SETBP1: variants seen among roughly 807,000 people sequenced by gnomAD.
SETBP1 encodes SET-binding protein.
Under a neutral mutation model 101.0 loss-of-function variants are expected in SETBP1, and 9 were observed. That is an observed-to-expected ratio of 0.09 (90% CI 0.05 to 0.16). The LOEUF is 0.16. Ranked by LOEUF, SETBP1 falls within the 10% of genes least tolerant of loss-of-function variation. The pLI is 1.00. For missense variants in SETBP1, 1,858 were observed against 2,033.8 expected (o/e 0.91, Z 1.66); for synonymous variants, 818 against 788.5 (o/e 1.04, Z -0.63).
At chr18:44,843,842 A>C (rs2072670585) in intron 2 of SETBP1, among the ~76,000 whole-genome samples, 1 of 152,020 alleles carries the variant, frequency 6.6e-6, no homozygotes. Flanking sequence ...ATTTTCTGTA[A>C]ACCCAGGACC....
intron 3 of SETBP1, among the ~76,000 whole-genome samples, chr18:44,945,621 T>C (rs2071189096): frequency 6.6e-6 from 1 of 152,160 alleles, no homozygotes; most frequent in African/African-American, 2.4e-5. Context: ...AAGCTAAGTT[T>C]GGTATCGAAA....
rs1568190511 is a variant in SETBP1, at chr18:44,868,706, GGAAGGGAGGAAGGAAGGAAGGA to G, written c.487-523_487-502del. 4.5e-3 allele frequency among the ~76,000 whole-genome samples: 80 copies of G among 17,764 alleles called. 3 individuals carry two copies. Among genetic ancestry groups the G allele is most frequent in the East Asian group, 0.017 (21 of 1,260 alleles). 11.7% of individuals were successfully genotyped at this position (17,764 alleles called of 152,430 possible). Reference sequence around the variant, plus strand: ...AGAGAGAGAGAGAGAGAGGACGGAAGGAAGGGAGGAAGGAAGGAAGGAAGGAAGGAAGGAAGGAAGGAAGGAA... The same window carrying G: ...AGAGAGAGAGAGAGAGAGGACGGAAGAGGAAGGAAGGAAGGAAGGAAGGAA... On this transcript the variant is annotated intron_variant, in intron 2 of 5. Coordinates refer to ENST00000649279, the MANE Select transcript of SETBP1 (RefSeq NM_015559.3).
chr18:44,710,084 T>C (rs1272420628), intron 2 of SETBP1, among the ~76,000 whole-genome samples: 1 of 152,176 alleles, frequency 6.6e-6, no homozygotes, highest in African/African-American at 2.4e-5. Flanking sequence ...AGTCCTCTCA[T>C]TGCTACATTG....
chr18:44,713,788 C>G (rs1429563877), intron 2 of SETBP1, among the ~76,000 whole-genome samples: 2 of 152,178 alleles, frequency 1.3e-5, no homozygotes, highest in African/African-American at 2.4e-5. Context: ...AGTCGATTCT[C>G]TAGGCTAAAA....
chr18:44,709,858 C>T (rs369756872), intron 2 of SETBP1, among the ~76,000 whole-genome samples: 47 of 130,326 alleles, frequency 3.6e-4, no homozygotes, highest in African/African-American at 1.4e-3. Flanking sequence ...AATTGCTATA[C>T]GGATTTATTT....
chr18:44,732,506 A>G (rs2069859052), intron 2 of SETBP1: 1 of 152,200 alleles, frequency 6.6e-6, no homozygotes, highest in Non-Finnish European at 1.5e-5. Context: ...CACCCTTGCA[A>G]TGGACAGGAG....
At position 44,781,088 on chromosome 18, in the gene SETBP1, G is replaced by C. The variant is rs565204679; in HGVS notation, c.486+79256G>C. ...AGTGGGCAGGCTGCTGGGCTGGCGA[G>C]GCAGGTAGGAACAGGGTACAGGGTA... is the stretch of plus-strand genomic sequence containing the variant. On this transcript the variant is annotated intron_variant, in intron 2 of 5. Transcript: ENST00000649279. Among the ~76,000 whole-genome samples, 161 of 152,298 alleles carry C rather than the reference G, an allele frequency of 1.1e-3. 2 individuals are homozygous for C. The highest frequency in any genetic ancestry group is 2.6e-4 in the Non-Finnish European group (18 of 68,032).
intron 2 of SETBP1, among the ~76,000 whole-genome samples, chr18:44,739,430 C>T (rs372973104): frequency 6.6e-6 from 1 of 152,172 alleles, no homozygotes; most frequent in Non-Finnish European, 1.5e-5. Context: ...AAGCACAATT[C>T]TTTATACTGG....
chr18:44,802,206 A>G (rs968309946), intron 2 of SETBP1, among the ~76,000 whole-genome samples: 1 of 152,186 alleles, frequency 6.6e-6, no homozygotes, highest in Admixed American at 6.5e-5. Flanking sequence ...AAACAGAGAC[A>G]GTCATTCTTC....
At chr18:44,916,592 G>A (rs1167752980) in intron 3 of SETBP1, among the ~76,000 whole-genome samples, 1 of 152,164 alleles carries the variant, frequency 6.6e-6, no homozygotes, top group African/African-American at 2.4e-5. Flanking sequence ...ATTTACACAG[G>A]CAGCATGAAC....
At chr18:44,818,811 C>T (rs887230952) in intron 2 of SETBP1, among the ~76,000 whole-genome samples, 4 of 151,528 alleles carry the variant, frequency 2.6e-5, no homozygotes, top group African/African-American at 7.3e-5. Context: ...TTATATTTAG[C>T]GGTTAACCAG....
rs1748270465 is a variant in SETBP1, at chr18:45,060,566, T to A, written c.4172-2513T>A. Among the ~76,000 whole-genome samples the A allele has an allele frequency of 2.6e-5, 4 of 152,200 alleles. No individual in the cohort carries two copies. The South Asian group carries it at 8.3e-4, about 31-fold the overall frequency. On this transcript the variant is annotated intron_variant, in intron 5 of 5. Coordinates refer to ENST00000649279, the MANE Select transcript of SETBP1 (RefSeq NM_015559.3). The stretch of plus-strand genomic sequence containing the variant: ...AAAAAAATGACAAAAAGTTAACATT[T>A]GCTAAATGTGAATGGTGGGCACAAA...
At chr18:45,021,250 T>C (rs751152600) in intron 4 of SETBP1, among the ~76,000 whole-genome samples, 1 of 152,252 alleles carries the variant, frequency 6.6e-6, no homozygotes, top group Non-Finnish European at 1.5e-5. Flanking sequence ...AGTAAAACAA[T>C]TTAGTTTTGG....
At chr18:44,955,624 C>G (rs572688297) in intron 4 of SETBP1, among the ~76,000 whole-genome samples, 6 of 152,198 alleles carry the variant, frequency 3.9e-5, no homozygotes, top group Non-Finnish European at 7.3e-5. Flanking sequence ...TCAAAGAGAT[C>G]AAGAGAACTG....
intron 2 of SETBP1, among the ~76,000 whole-genome samples, chr18:44,788,790 ATTTTTTTT>A (rs34929410): frequency 1.5e-4 from 12 of 80,416 alleles, no homozygotes; most frequent in South Asian, 5.0e-4. Flanking sequence ...TTCCTTTTTA[ATTTTTTTT>A]TTTTTTTTTT....
intron 2 of SETBP1, among the ~76,000 whole-genome samples, chr18:44,725,999 T>G (rs2069699846): frequency 6.6e-6 from 1 of 152,218 alleles, no homozygotes; most frequent in Non-Finnish European, 1.5e-5. Flanking sequence ...CCTGGCTCTC[T>G]GGTGGCCTGG....
chr18:44,876,956 A>C (rs1353767752), intron 3 of SETBP1: 7 of 1,283,930 alleles, frequency 5.5e-6, no homozygotes, highest in Non-Finnish European at 6.9e-6. Flanking sequence ...TGAAGAGATA[A>C]TGCATTAGGC....
intron 3 of SETBP1, among the ~76,000 whole-genome samples, chr18:44,943,629 A>C (rs765436790): frequency 4.6e-5 from 7 of 152,152 alleles, no homozygotes; most frequent in Non-Finnish European, 1.0e-4. Flanking sequence ...TTCCTAGCTG[A>C]TGCTAACATA....
chr18:44,951,020 T>G lies in SETBP1; in HGVS notation c.1680T>G (p.Ser560=), dbSNP rs1178922870. ...TSDKLMLEPP[S]AYPITPSSPL... is the part of the protein sequence containing the mutation. ...ATAAACTGATGCTGGAGCCCCCGTC[T>G]GCATATCCCATCACCCCATCCAGCC... Residue 560 remains serine, a synonymous_variant, in exon 4 of 6, where the codon TCT becomes TCG. Transcript: ENST00000649279. The surrounding 1 kb of genome is among the most constrained non-coding windows in gnomAD (Gnocchi z 7.8). The G allele has an allele frequency of 6.2e-7, 1 of 1,614,022 alleles. No individual in the cohort carries two copies. The highest frequency in any genetic ancestry group is 2.2e-5 in the East Asian group (1 of 44,862).
Sources: allele counts gnomAD v4.1 joint callset (sites outside exome capture counted in the v4.1 genomes callset), GRCh38; gene constraint gnomAD v4.1.1; non-coding constraint Gnocchi (gnomAD v3.1); transcripts MANE v1.5; gene names NCBI Gene and HGNC (gene_info 2026-07-23, HGNC 2026-07-21).